Variants in RAB38 observed in about 807,000 individuals in gnomAD.
The protein encoded by RAB38 is RAB38, member RAS oncogene family, also known as ras-related protein Rab-38.
Under a neutral mutation model 18.4 loss-of-function variants are expected in RAB38, and 15 were observed. The observed-to-expected ratio is 0.82, with a 90% CI of 0.55 to 1.26. RAB38 has a LOEUF of 1.26. Among genes scored for constraint, RAB38 ranks in the 50% most tolerant of loss-of-function variants. The probability of loss-of-function intolerance (pLI) is 0.00; values close to 1 mark genes in which losing one functional copy is unlikely to be tolerated. For synonymous variants in RAB38, 101 were observed against 104.4 expected (o/e 0.97, Z 0.20); for missense variants, 294 against 267.4 (o/e 1.10, Z -0.69).
the RAB38 span, among the ~76,000 whole-genome samples, chr11:87,949,286 C>CTTTG: frequency 6.6e-6 from 1 of 152,012 alleles, no homozygotes. Context: ...CTCTTTTCTT[C>CTTTG]TTTGTTAGTT....
In RAB38 at chr11:88,126,883, A is replaced by G. The variant is rs1942703258; in HGVS notation, c.484-12743T>C. 2.0e-5 allele frequency among the ~76,000 whole-genome samples: 3 copies of G among 152,304 alleles called. No individual in the cohort carries two copies. The South Asian group carries it at 6.2e-4, about 32-fold the overall frequency. ...TATAAAGTGAGAGGAGATATATGAA[A>G]GAACTTAGCAATAGTGCTGGCATGC... On this transcript the variant is annotated intron_variant, in intron 2 of 2. Transcript: ENST00000243662.
the RAB38 span, among the ~76,000 whole-genome samples, chr11:87,803,728 G>A: frequency 6.6e-6 from 1 of 152,198 alleles, no homozygotes; most frequent in Non-Finnish European, 1.5e-5. Flanking sequence ...ACAGACCTGT[G>A]AAACTACAAA....
the RAB38 span, among the ~76,000 whole-genome samples, chr11:88,081,447 A>G: frequency 6.6e-6 from 1 of 151,940 alleles, no homozygotes; most frequent in Non-Finnish European, 1.5e-5. Context: ...TAGATGCCAG[A>G]AGTTATGGAT....
the RAB38 span, among the ~76,000 whole-genome samples, chr11:87,889,724 A>G: frequency 1.3e-5 from 2 of 151,946 alleles, no homozygotes; most frequent in African/African-American, 4.8e-5. Flanking sequence ...AGTTTTTCTG[A>G]CTTCAAAGCC....
At chr11:88,033,206 G>T in the RAB38 span, among the ~76,000 whole-genome samples, 27 of 151,866 alleles carry the variant, frequency 1.8e-4, no homozygotes, top group Middle Eastern at 3.4e-3. Flanking sequence ...GAAGGGGAAC[G>T]TGACACTCTG....
chr11:87,908,856 A>C, the RAB38 span, among the ~76,000 whole-genome samples: 64 of 152,024 alleles, frequency 4.2e-4, no homozygotes, highest in Non-Finnish European at 6.8e-4. Flanking sequence ...TCTTATCCTG[A>C]ATGTTAGGAA....
chr11:88,116,530 C>T (rs1942555378), intron 2 of RAB38, among the ~76,000 whole-genome samples: 1 of 152,128 alleles, frequency 6.6e-6, no homozygotes, highest in Non-Finnish European at 1.5e-5. Context: ...AATCACACAG[C>T]AAGTGGGCTG....
chr11:88,162,845 G>C (rs1943202802), intron 1 of RAB38, among the ~76,000 whole-genome samples: 1 of 151,996 alleles, frequency 6.6e-6, no homozygotes, highest in African/African-American at 2.4e-5. Flanking sequence ...GCCTTGCTAG[G>C]CTCTGCTAAG....
the RAB38 span, among the ~76,000 whole-genome samples, chr11:87,819,790 ATG>A: frequency 4.1e-5 from 6 of 146,352 alleles, no homozygotes; most frequent in African/African-American, 1.5e-4. Context: ...ATATGTATAT[ATG>A]TGTGTGTGTA....
chr11:87,832,805 A>G, the RAB38 span, among the ~76,000 whole-genome samples: 1 of 151,768 alleles, frequency 6.6e-6, no homozygotes, highest in Non-Finnish European at 1.5e-5. Flanking sequence ...TTTGTATTTT[A>G]AAGTCCCTAA....
the RAB38 span, among the ~76,000 whole-genome samples, chr11:87,955,711 T>C: frequency 2.6e-5 from 4 of 152,202 alleles, no homozygotes; most frequent in African/African-American, 4.8e-5. Context: ...CAATCATCCA[T>C]TGAGCTAGGC....
chr11:87,974,580 T>C, the RAB38 span, among the ~76,000 whole-genome samples: 1 of 151,702 alleles, frequency 6.6e-6, no homozygotes, highest in Non-Finnish European at 1.5e-5. Context: ...AGAAATAATT[T>C]CTGAATTTTC....
chr11:87,946,544 C>T, the RAB38 span, among the ~76,000 whole-genome samples: 12 of 152,110 alleles, frequency 7.9e-5, 1 homozygote, highest in African/African-American at 2.7e-4. Context: ...TCCCCCCTCG[C>T]CCCACCCCAC....
chr11:88,161,457 A>G (rs1000203371), intron 1 of RAB38, among the ~76,000 whole-genome samples: 3 of 152,010 alleles, frequency 2.0e-5, no homozygotes, highest in African/African-American at 4.8e-5. Context: ...TTTCTACACC[A>G]CTGACACTTA....
the RAB38 span, among the ~76,000 whole-genome samples, chr11:88,012,772 T>C: frequency 2.0e-5 from 3 of 152,204 alleles, no homozygotes; most frequent in Non-Finnish European, 2.9e-5. Flanking sequence ...CTTCCTGTCC[T>C]TCCTCAATGT....
chr11:87,932,879 G>A, the RAB38 span, among the ~76,000 whole-genome samples: 1 of 152,080 alleles, frequency 6.6e-6, no homozygotes, highest in African/African-American at 2.4e-5. Context: ...GCAGCAAAGG[G>A]ACCTAGGGAC....
chr11:88,106,788 G>C, the RAB38 span, among the ~76,000 whole-genome samples: 1 of 152,078 alleles, frequency 6.6e-6, no homozygotes, highest in African/African-American at 2.4e-5. Context: ...GTTTTTATTA[G>C]GATTTTTCAT....
the RAB38 span, among the ~76,000 whole-genome samples, chr11:87,952,062 A>G: frequency 6.6e-6 from 1 of 151,978 alleles, no homozygotes. Context: ...GCTGAGTGAA[A>G]TACGTGGGTA....
the RAB38 span, among the ~76,000 whole-genome samples, chr11:87,837,879 T>C: frequency 6.6e-6 from 1 of 152,162 alleles, no homozygotes; most frequent in Non-Finnish European, 1.5e-5. Context: ...TATATAATAA[T>C]ATTTGAAGAT....
Sources: gnomAD v4.1 joint callset for allele counts (sites outside exome capture counted in the v4.1 genomes callset) on GRCh38, gnomAD v4.1.1 for gene constraint, MANE v1.5 for transcripts, NCBI Gene and HGNC (gene_info 2026-07-23, HGNC 2026-07-21) for gene names.